The following VWDE variants were observed in gnomAD, a reference collection of about 807,000 sequenced individuals.
VWDE encodes von Willebrand factor D and EGF domain-containing protein.
VWDE carries 207 observed loss-of-function variants against 178.4 expected under a neutral mutation model. The ratio of observed to expected loss-of-function variants is 1.16; its 90% CI spans 1.04 to 1.30. The LOEUF is 1.30. VWDE is among the 50% of genes most tolerant of loss of function. The pLI is 0.00. For synonymous variants in VWDE, 738 were observed against 651.4 expected (o/e 1.13, Z -2.02); for missense variants, 2,287 against 1,901.3 (o/e 1.20, Z -3.77).
At chr7:12,387,791 T>C (rs762075402) in intron 3 of VWDE, among the ~76,000 whole-genome samples, 52 of 152,166 alleles carry the variant, frequency 3.4e-4, no homozygotes, top group Non-Finnish European at 6.0e-4. Flanking sequence ...GTTCATCTGC[T>C]TTGATAACAC....
chr7:12,378,751 T>C (rs1398487487), intron 6 of VWDE, among the ~76,000 whole-genome samples: 1 of 152,196 alleles, frequency 6.6e-6, no homozygotes, highest in African/African-American at 2.4e-5. Flanking sequence ...CTCACTTCTT[T>C]TCCTGGTTCC....
intron 15 of VWDE, 81 bp from the exon 16 acceptor site, chr7:12,359,773 T>C: frequency 1.3e-6 from 1 of 790,838 alleles, no homozygotes; most frequent in Non-Finnish European, 2.0e-6. Context: ...TGGCAGTGTA[T>C]GTATTGATGA....
intron 13 of VWDE, among the ~76,000 whole-genome samples, chr7:12,366,635 C>A (rs1399155280): frequency 6.6e-6 from 1 of 152,014 alleles, no homozygotes; most frequent in Non-Finnish European, 1.5e-5. Context: ...AACCTATTTC[C>A]TCCTGTAAAT....
rs1363460974 is a variant in VWDE, at chr7:12,367,454, A to C, written c.2801T>G (p.Phe934Cys). The part of the protein sequence containing the change: ...PEITELGNAG[F>C]CDVQKYNCMM... ...ACAATTATATTTTTGAACATCACAGAATCCAGCATTCCCAAGCTCTGTAAT... is the reference window on the plus strand; with the variant it reads ...ACAATTATATTTTTGAACATCACAGCATCCAGCATTCCCAAGCTCTGTAAT... Residue 934 changes from phenylalanine to cysteine, a missense_variant, in exon 13 of 29, where the codon TTC (phenylalanine) becomes TGC (cysteine). Coordinates refer to ENST00000275358, the MANE Select transcript of VWDE (RefSeq NM_001135924.3). 6.5e-7 allele frequency: 1 copy of C among 1,544,652 alleles called. No individual in the cohort carries two copies. The highest frequency in any genetic ancestry group is 2.5e-5 in the East Asian group (1 of 40,446).
rs539133259 is a variant in VWDE at position 12,372,262 on chromosome 7, G to A, written c.1587+715C>T. ...ATTTTCTATCTGACCTGTTTTATACGTAGCAAATATTTTCCTAATTTTTGA... is the reference window on the plus strand; with the variant it reads ...ATTTTCTATCTGACCTGTTTTATACATAGCAAATATTTTCCTAATTTTTGA... On this transcript the variant is annotated intron_variant, in intron 10 of 28. Coordinates refer to ENST00000275358, the MANE Select transcript of VWDE (RefSeq NM_001135924.3). 5.9e-5 allele frequency among the ~76,000 whole-genome samples: 9 copies of A among 151,944 alleles called. No homozygotes were observed. The East Asian group carries it at 1.4e-3, about 23-fold the overall frequency.
intron 23 of VWDE, 135 bp downstream of exon 23, chr7:12,341,924 G>A: frequency 3.4e-6 from 2 of 589,456 alleles, no homozygotes; most frequent in Non-Finnish European, 2.9e-6. Flanking sequence ...TTAAAAATCT[G>A]TCTGAAATAA....
At chr7:12,355,831 T>C (rs1277324795) in intron 18 of VWDE, among the ~76,000 whole-genome samples, 1 of 152,154 alleles carries the variant, frequency 6.6e-6, no homozygotes, top group Non-Finnish European at 1.5e-5. Context: ...TTTAATACAC[T>C]TCTCCCTACC....
At chr7:12,377,669 G>A in intron 7 of VWDE, 107 bp downstream of exon 7, 3 of 641,226 alleles carry the variant, frequency 4.7e-6, no homozygotes, top group Non-Finnish European at 6.8e-6. Flanking sequence ...ATGTCAACAT[G>A]CAACATGATT....
intron 18 of VWDE, chr7:12,353,788 T>G (rs1782070851): frequency 6.6e-6 from 1 of 152,378 alleles, no homozygotes. Flanking sequence ...GTCTCCATGG[T>G]TTTTATGTGG....
chr7:12,372,941 G>A (rs1242994335), intron 10 of VWDE, 36 bp downstream of exon 10: 9 of 1,529,068 alleles, frequency 5.9e-6, no homozygotes, highest in Non-Finnish European at 7.9e-6. Flanking sequence ...AGGAGAAAAA[G>A]GAAAAATACT....
Position 12,370,388 on chromosome 7 carries a change from TGTCCA to T in VWDE, c.1913_1917del (p.Leu638GlnfsTer34). On this transcript the variant is annotated frameshift_variant, in exon 12 of 29. Coordinates refer to ENST00000275358, the MANE Select transcript of VWDE (RefSeq NM_001135924.3). LOFTEE classifies it high-confidence loss of function. ...AAGGCAATTTCTGATCGAGAAACAC[TGTCCA>T]GATCTTCGGAAGACGGATACGCTGC... 1 of 1,550,258 alleles carries T rather than the reference TGTCCA, an allele frequency of 6.5e-7. No individual in the cohort carries two copies. Among genetic ancestry groups the T allele is most frequent in the Non-Finnish European group, 8.7e-7 (1 of 1,146,826 alleles).
chr7:12,358,228 A>C (rs1001586017), intron 16 of VWDE, among the ~76,000 whole-genome samples: 1 of 152,072 alleles, frequency 6.6e-6, no homozygotes, highest in Non-Finnish European at 1.5e-5. Flanking sequence ...AATAAAAATT[A>C]GCAGGCATGG....
intron 6 of VWDE, among the ~76,000 whole-genome samples, chr7:12,379,200 C>T (rs139171350): frequency 1.3e-5 from 2 of 152,268 alleles, no homozygotes; most frequent in East Asian, 1.9e-4. Context: ...TTTCGTTACA[C>T]GATGGAATGA....
In VWDE at chr7:12,357,300, C is replaced by T; in HGVS notation, c.3490G>A (p.Asp1164Asn). The T allele has an allele frequency of 2.6e-6, 4 of 1,552,166 alleles. No individual in the cohort carries two copies. The highest frequency in any genetic ancestry group is 2.4e-5 in the South Asian group (2 of 84,060). Residue 1164 changes from aspartate to asparagine, a missense_variant, in exon 17 of 29, where the codon GAT becomes AAT. Asp to Asn is a conservative substitution (Grantham distance 23, BLOSUM62 1). Coordinates refer to ENST00000275358, the MANE Select transcript of VWDE (RefSeq NM_001135924.3). ...ACTCTAGTTTCAGCATCGCAGTCAT[C>T]ATTAAGGCGTACAGTAATTTGTTGG... Reference protein sequence around the residue: ...TTQQITVRLNDDCDAETRVTI... With the variant: ...TTQQITVRLNNDCDAETRVTI...
At chr7:12,393,040 C>A (rs1784459026) in intron 2 of VWDE, among the ~76,000 whole-genome samples, 1 of 152,082 alleles carries the variant, frequency 6.6e-6, no homozygotes, top group Non-Finnish European at 1.5e-5. Flanking sequence ...CAATTGTGAT[C>A]AGAAAATACC....
chr7:12,344,766 G>C (rs1373851648), intron 19 of VWDE, among the ~76,000 whole-genome samples: 1 of 152,136 alleles, frequency 6.6e-6, no homozygotes, highest in Non-Finnish European at 1.5e-5. Flanking sequence ...TAATAATTGT[G>C]AGAAGATAGA....
chr7:12,381,103 C>G (rs1344186127), intron 4 of VWDE, among the ~76,000 whole-genome samples: 1 of 152,134 alleles, frequency 6.6e-6, no homozygotes, highest in East Asian at 1.9e-4. Flanking sequence ...TGAGAAATAG[C>G]CACAAGAATG....
intron 7 of VWDE, among the ~76,000 whole-genome samples, chr7:12,376,520 T>C (rs1391559447): frequency 2.0e-5 from 3 of 152,122 alleles, no homozygotes; most frequent in Non-Finnish European, 4.4e-5. Flanking sequence ...TTGAAAGAAT[T>C]GAAAGCATGA....
Position 12,342,110 on chromosome 7 carries a change from G to C in VWDE, c.4219C>G (p.Pro1407Ala), listed in dbSNP as rs75480945. Residue 1407 changes from proline to alanine, a missense_variant, in exon 23 of 29, where the codon CCA (proline) becomes GCA (alanine). By Grantham distance (27) the Pro-to-Ala change is conservative (BLOSUM62 -1). Transcript: ENST00000275358. ...CCAGGTTTGCACTGGCAAATATCTG[G>C]TGTAAGACACTGGCCTCCATTTTCA... ...HCENGGQCLTPDICQCKPGWY... is the reference protein window; with the variant it reads ...HCENGGQCLTADICQCKPGWY... The C allele has an allele frequency of 3.2e-3, 4,929 of 1,551,436 alleles. 131 individuals carry two copies. The African/African-American group carries it at 0.06, about 19-fold the overall frequency.
Sources: gnomAD v4.1 joint callset for allele counts (sites outside exome capture counted in the v4.1 genomes callset) on GRCh38, gnomAD v4.1.1 for gene constraint, MANE v1.5 for transcripts, NCBI Gene and HGNC (gene_info 2026-07-23, HGNC 2026-07-21) for gene names.